The following CDH8 variants were observed in gnomAD, a reference collection of about 807,000 sequenced individuals.
The protein encoded by CDH8 is cadherin 8.
A neutral mutation model predicts 68.1 loss-of-function variants in CDH8; 17 were observed. The observed-to-expected ratio is 0.25, with a 90% CI of 0.17 to 0.37. The LOEUF is 0.37. Ranked by LOEUF, CDH8 falls within the 10% of genes least tolerant of loss-of-function variation. CDH8 has a pLI of 1.00. For synonymous variants in CDH8, 372 were observed against 365.1 expected, an observed-to-expected ratio of 1.02 and a Z score of -0.21; for missense variants, 763 against 999.3, an observed-to-expected ratio of 0.76 and a Z score of 3.19.
intron 10 of CDH8, chr16:61,691,816 A>C (rs1964229169): frequency 6.6e-6 from 1 of 152,084 alleles, no homozygotes; most frequent in Admixed American, 6.6e-5. Flanking sequence ...ATAATGCACG[A>C]CTTTTATGTA....
intron 2 of CDH8, among the ~76,000 whole-genome samples, chr16:61,914,607 G>A (rs976566670): frequency 2.0e-5 from 3 of 152,064 alleles, no homozygotes; most frequent in African/African-American, 7.2e-5. Context: ...AATAGTCAGT[G>A]AGATGTGACC....
intron 10 of CDH8, among the ~76,000 whole-genome samples, chr16:61,700,320 G>A (rs563513064): frequency 1.8e-4 from 27 of 147,188 alleles, no homozygotes; most frequent in Admixed American, 5.5e-4. Context: ...TCACTCTGTC[G>A]CCCAGGCTGG....
chr16:61,811,488 G>A (rs541619493), intron 7 of CDH8, among the ~76,000 whole-genome samples: 1 of 152,204 alleles, frequency 6.6e-6, no homozygotes, highest in Non-Finnish European at 1.5e-5. Flanking sequence ...AAAATAGTAT[G>A]GAGGTTCCTC....
At chr16:61,969,169 A>G in intron 2 of CDH8, among the ~76,000 whole-genome samples, 1 of 152,204 alleles carries the variant, frequency 6.6e-6, no homozygotes, top group East Asian at 1.9e-4. Flanking sequence ...GGCAATAATG[A>G]TCTGAATGAC....
chr16:61,944,599 G>C (rs1964772590), intron 2 of CDH8, among the ~76,000 whole-genome samples: 1 of 152,148 alleles, frequency 6.6e-6, no homozygotes, highest in African/African-American at 2.4e-5. Context: ...TATTAAATCA[G>C]TGTAAATCAC....
At chr16:61,803,295 C>A (rs2142997553) in intron 7 of CDH8, among the ~76,000 whole-genome samples, 1 of 132,410 alleles carries the variant, frequency 7.6e-6, no homozygotes, top group Admixed American at 7.3e-5. Context: ...TAGGCCTGCC[C>A]TAAAAGAGCT....
intron 3 of CDH8, among the ~76,000 whole-genome samples, chr16:61,878,673 G>A (rs569231147): frequency 3.9e-5 from 6 of 152,272 alleles, no homozygotes; most frequent in African/African-American, 1.2e-4. Context: ...CAAGACACTA[G>A]CCTGGGTATT....
Position 61,647,563 on chromosome 16 carries a change from T to A in CDH8, c.*6045A>T. 4.1e-6 allele frequency: 2 copies of A among 486,698 alleles called. No individual in the cohort carries two copies. The highest frequency in any genetic ancestry group is 7.3e-6 in the Non-Finnish European group (2 of 274,654). 30.1% of individuals were successfully genotyped at this position (486,698 alleles called of 1,614,324 possible). A position where few individuals can be genotyped will look rare whatever the true frequency, so the allele number is the denominator to read the frequency against. ...CTCTTATTTGTGAGGGATCATAGGATGGCCTGAAGTTCTTTGCATGTACAG... is the reference window on the plus strand; with the variant it reads ...CTCTTATTTGTGAGGGATCATAGGAAGGCCTGAAGTTCTTTGCATGTACAG... On this transcript the variant is annotated 3_prime_UTR_variant, in exon 12 of 12. Coordinates refer to ENST00000577390, the MANE Select transcript of CDH8 (RefSeq NM_001796.5).
intron 7 of CDH8, among the ~76,000 whole-genome samples, chr16:61,809,013 C>T (rs1178754076): frequency 1.3e-5 from 2 of 152,052 alleles, no homozygotes; most frequent in East Asian, 1.9e-4. Context: ...TGGAGAAACC[C>T]CCGTCTCTAC....
At chr16:61,733,645 G>A (rs532619204) in intron 8 of CDH8, among the ~76,000 whole-genome samples, 1 of 151,944 alleles carries the variant, frequency 6.6e-6, no homozygotes, top group African/African-American at 2.4e-5. Context: ...CTATTAATAT[G>A]TTCCTTGGTC....
intron 2 of CDH8, among the ~76,000 whole-genome samples, chr16:61,933,951 C>A (rs543557369): frequency 9.2e-5 from 14 of 152,104 alleles, no homozygotes; most frequent in Non-Finnish European, 1.8e-4. Flanking sequence ...ACATCAAAAC[C>A]TGCGATTGTA....
chr16:61,706,960 C>A lies in CDH8; in HGVS notation c.1654+6881G>T, dbSNP rs529970275. 2.0e-5 allele frequency among the ~76,000 whole-genome samples: 3 copies of A among 152,238 alleles called. No individual in the cohort carries two copies. In the South Asian group the frequency reaches 6.2e-4, roughly 32 times the overall value. ...TTTTTAGGTACTCTCCATTTTTATT[C>A]TTTGATTAGGTTACTGTAATGATGC... On this transcript the variant is annotated intron_variant, in intron 10 of 11. Coordinates refer to ENST00000577390, the MANE Select transcript of CDH8 (RefSeq NM_001796.5).
intron 2 of CDH8, among the ~76,000 whole-genome samples, chr16:61,942,390 A>G (rs1183395947): frequency 2.0e-5 from 3 of 152,184 alleles, no homozygotes; most frequent in South Asian, 2.1e-4. Flanking sequence ...CTAGCTGCTC[A>G]GAAGGCTGAG....
rs1354037984 is a variant in CDH8, at chr16:61,654,109, A to G, written c.1907-8T>C. 1 of 1,604,282 alleles carries G rather than the reference A, an allele frequency of 6.2e-7. No individual in the cohort carries two copies. The highest frequency in any genetic ancestry group is 1.1e-5 in the South Asian group (1 of 89,752). On this transcript the variant is annotated splice_polypyrimidine_tract_variant and splice_region_variant and intron_variant, in intron 11 of 11. Transcript: ENST00000577390. ...CAAACAGCACCACGATGACTAGAGGAAAAATATTAAATAACAGTCAGCCAA... is the reference window on the plus strand; with the variant it reads ...CAAACAGCACCACGATGACTAGAGGGAAAATATTAAATAACAGTCAGCCAA...
At chr16:61,879,466 G>A (rs974342127) in intron 3 of CDH8, among the ~76,000 whole-genome samples, 6 of 152,128 alleles carry the variant, frequency 3.9e-5, no homozygotes, top group African/African-American at 7.2e-5. Flanking sequence ...ATGCAGATCC[G>A]GTTGACATTC....
intron 7 of CDH8, among the ~76,000 whole-genome samples, chr16:61,808,417 T>A (rs758873388): frequency 6.2e-4 from 94 of 152,198 alleles, no homozygotes; most frequent in Middle Eastern, 6.8e-3. Flanking sequence ...CAGGGAAACA[T>A]CACAGTATTC....
At chr16:61,761,533 A>G (rs1309478205) in intron 8 of CDH8, among the ~76,000 whole-genome samples, 1 of 152,160 alleles carries the variant, frequency 6.6e-6, no homozygotes, top group Non-Finnish European at 1.5e-5. Context: ...TGGTAGGCAG[A>G]GTATAAACCC....
chr16:61,859,662 A>T (rs1963115320), intron 3 of CDH8, among the ~76,000 whole-genome samples: 1 of 152,198 alleles, frequency 6.6e-6, no homozygotes, highest in Non-Finnish European at 1.5e-5. Context: ...ATAGAAGTGG[A>T]TATCAACGTT....
At chr16:61,986,271 G>A (rs1219663365) in intron 2 of CDH8, among the ~76,000 whole-genome samples, 2 of 152,070 alleles carry the variant, frequency 1.3e-5, no homozygotes, top group Non-Finnish European at 2.9e-5. Flanking sequence ...AATAAATGAA[G>A]ATCTAAATGA....
Sources: gnomAD v4.1 joint callset for allele counts (sites outside exome capture counted in the v4.1 genomes callset) on GRCh38, gnomAD v4.1.1 for gene constraint, MANE v1.5 for transcripts, NCBI Gene and HGNC (gene_info 2026-07-23, HGNC 2026-07-21) for gene names.